Variants in FHIT observed in about 807,000 individuals in gnomAD.
FHIT encodes fragile histidine triad diadenosine triphosphatase.
A neutral mutation model predicts 17.9 loss-of-function variants in FHIT; 19 were observed. That is an observed-to-expected ratio of 1.06 (90% CI 0.74 to 1.56). FHIT has a LOEUF of 1.56. Among genes scored for constraint, FHIT ranks in the 40% most tolerant of loss-of-function variants. The pLI, the probability that FHIT is intolerant of heterozygous loss-of-function variation, is 0.00. For missense variants in FHIT, 248 were observed against 189.2 expected (o/e 1.31, Z -1.82); for synonymous variants, 81 against 69.7 (o/e 1.16, Z -0.81).
intron 3 of FHIT, among the ~76,000 whole-genome samples, chr3:60,933,987 G>A (rs2107379835): frequency 6.6e-6 from 1 of 152,310 alleles, no homozygotes; most frequent in South Asian, 2.1e-4. Context: ...GGAAGGGCAT[G>A]GAATGGGGCC....
chr3:60,187,238 C>T lies in FHIT; in HGVS notation c.104-173086G>A, dbSNP rs11926112. 9.5e-3 allele frequency among the ~76,000 whole-genome samples: 1,448 copies of T among 152,240 alleles called. 21 individuals carry two copies. Among genetic ancestry groups the T allele is most frequent in the African/African-American group, 0.034 (1,393 of 41,538 alleles). On this transcript the variant is annotated intron_variant, in intron 5 of 9. Coordinates refer to ENST00000492590, the MANE Select transcript of FHIT (RefSeq NM_002012.4). ...AAATGTGAAACCCCCTAATGTCAAACTGCAATCAACACATCACAAGCCTGT... is the reference window on the plus strand; with the variant it reads ...AAATGTGAAACCCCCTAATGTCAAATTGCAATCAACACATCACAAGCCTGT...
At chr3:60,857,765 C>CA (rs1215564359) in intron 3 of FHIT, among the ~76,000 whole-genome samples, 4 of 151,810 alleles carry the variant, frequency 2.6e-5, no homozygotes, top group South Asian at 2.1e-4. Flanking sequence ...TCCATCTCTA[C>CA]AAAAAATGAA....
Position 60,340,769 on chromosome 3 carries a change from G to A in FHIT, c.103+196091C>T, listed in dbSNP as rs181932448. ...GTTGCCCAGGCTGCAGTGCAGTGGC[G>A]TCATCTTGGCTCACCACAACCTTTG... On this transcript the variant is annotated intron_variant, in intron 5 of 9. Coordinates refer to ENST00000492590, the MANE Select transcript of FHIT (RefSeq NM_002012.4). Among the ~76,000 whole-genome samples the A allele has an allele frequency of 1.6e-3, 237 of 152,120 alleles. 1 individual carries two copies. Among genetic ancestry groups the A allele is most frequent in the African/African-American group, 4.9e-3 (203 of 41,522 alleles).
chr3:61,168,495 A>G (rs1397392688), intron 2 of FHIT, among the ~76,000 whole-genome samples: 1 of 152,130 alleles, frequency 6.6e-6, no homozygotes, highest in Non-Finnish European at 1.5e-5. Flanking sequence ...TGAAGGTTTC[A>G]TTTTTCTGGC....
chr3:61,060,593 T>C (rs1046187826), intron 2 of FHIT, among the ~76,000 whole-genome samples: 15 of 152,238 alleles, frequency 9.9e-5, no homozygotes, highest in African/African-American at 3.6e-4. Context: ...TACCACATTA[T>C]GGGCCATCAT....
chr3:60,855,369 G>C (rs189315856), intron 3 of FHIT, among the ~76,000 whole-genome samples: 13 of 152,254 alleles, frequency 8.5e-5, no homozygotes, highest in South Asian at 6.2e-4. Flanking sequence ...AGTTGCAAGA[G>C]GAGAAAGCCT....
chr3:60,379,720 T>G (rs2687165), intron 5 of FHIT, among the ~76,000 whole-genome samples: 94,962 of 151,976 alleles, frequency 0.62, 29,828 homozygotes, highest in Non-Finnish European at 0.65. Flanking sequence ...AAACCATCTG[T>G]TAAGTTTTAG....
rs559677197 is a variant in FHIT, at chr3:60,678,428, A to G, written c.-17-141449T>C. ...AGAGGTCAATTCATTGGGTTATAAG[A>G]GAAAAGAAACACTTATTGAAGATTC... is the stretch of plus-strand genomic sequence containing the variant. On this transcript the variant is annotated intron_variant, in intron 4 of 9. Transcript: ENST00000492590. Among the ~76,000 whole-genome samples the G allele has an allele frequency of 1.2e-3, 186 of 152,324 alleles. 1 individual carries two copies. Among genetic ancestry groups the G allele is most frequent in the African/African-American group, 4.4e-3 (181 of 41,588 alleles).
At chr3:60,979,863 G>A (rs1026103930) in intron 3 of FHIT, among the ~76,000 whole-genome samples, 1 of 152,144 alleles carries the variant, frequency 6.6e-6, no homozygotes, top group African/African-American at 2.4e-5. Context: ...TTAGTCAAAG[G>A]AATAAATTAT....
At chr3:60,384,418 G>C (rs1700926060) in intron 5 of FHIT, among the ~76,000 whole-genome samples, 2 of 152,122 alleles carry the variant, frequency 1.3e-5, no homozygotes, top group South Asian at 4.1e-4. Flanking sequence ...CTTTGCCTTT[G>C]AGATAATCCA....
intron 5 of FHIT, among the ~76,000 whole-genome samples, chr3:60,509,237 G>C (rs1346562454): frequency 6.6e-6 from 1 of 152,178 alleles, no homozygotes; most frequent in Non-Finnish European, 1.5e-5. Flanking sequence ...TTCAATGGCA[G>C]CATCCTGAGG....
At chr3:59,938,964 A>T (rs9837503) in intron 7 of FHIT, among the ~76,000 whole-genome samples, 4,191 of 152,254 alleles carry the variant, frequency 0.028, 191 homozygotes, top group African/African-American at 0.095. Context: ...GCTGCATATC[A>T]TCTCAGCCTG....
At chr3:61,089,303 T>G (rs971107429) in intron 2 of FHIT, among the ~76,000 whole-genome samples, 5 of 152,224 alleles carry the variant, frequency 3.3e-5, no homozygotes, top group African/African-American at 1.2e-4. Context: ...ACATTCACAA[T>G]GTTGTGGAAC....
At chr3:60,244,164 A>C (rs1022230120) in intron 5 of FHIT, among the ~76,000 whole-genome samples, 1 of 152,116 alleles carries the variant, frequency 6.6e-6, no homozygotes, top group Non-Finnish European at 1.5e-5. Flanking sequence ...ACCTAAAAAT[A>C]TAATCTGACA....
At chr3:59,895,823 C>A (rs950199473) in intron 8 of FHIT, among the ~76,000 whole-genome samples, 2 of 152,176 alleles carry the variant, frequency 1.3e-5, no homozygotes, top group Non-Finnish European at 2.9e-5. Context: ...AACATCCTCA[C>A]GGGGGCTTAA....
intron 5 of FHIT, among the ~76,000 whole-genome samples, chr3:60,520,274 T>A (rs916071252): frequency 3.9e-5 from 6 of 152,158 alleles, no homozygotes; most frequent in Admixed American, 1.3e-4. Context: ...GTCCAAAAAA[T>A]TTTTCTAATA....
intron 5 of FHIT, among the ~76,000 whole-genome samples, chr3:60,492,778 TTTTAG>T (rs1452787317): frequency 1.1e-4 from 17 of 152,112 alleles, no homozygotes; most frequent in African/African-American, 3.9e-4. Context: ...GACAGCAATT[TTTTAG>T]TTTGACTGTC....
At chr3:60,716,295 G>A (rs1735467) in intron 4 of FHIT, among the ~76,000 whole-genome samples, 108,720 of 151,972 alleles carry the variant, frequency 0.72, 39,731 homozygotes, top group East Asian at 0.88. Flanking sequence ...AAAACCCTTA[G>A]TTTAAAACAC....
At chr3:61,162,324 C>T (rs1682609710) in intron 2 of FHIT, among the ~76,000 whole-genome samples, 1 of 152,128 alleles carries the variant, frequency 6.6e-6, no homozygotes. Flanking sequence ...TTTCTGATTG[C>T]TTCTTCTCAG....
Sources: allele counts gnomAD v4.1 joint callset (sites outside exome capture counted in the v4.1 genomes callset), GRCh38; gene constraint gnomAD v4.1.1; transcripts MANE v1.5; gene names NCBI Gene and HGNC (gene_info 2026-07-23, HGNC 2026-07-21).